CACNA1B: variants seen among roughly 807,000 people sequenced by gnomAD.
The protein encoded by CACNA1B is voltage-dependent N-type calcium channel subunit alpha-1B.
Under a neutral mutation model 247.2 loss-of-function variants are expected in CACNA1B, and 70 were observed. The observed-to-expected ratio is 0.28, with a 90% CI of 0.23 to 0.35. CACNA1B has a LOEUF of 0.35. Ranked by LOEUF, CACNA1B falls within the 10% of genes least tolerant of loss-of-function variation. The pLI is 1.00. For synonymous variants in CACNA1B, 1,231 were observed against 1,294.4 expected, an observed-to-expected ratio of 0.95 and a Z score of 1.05; for missense variants, 2,367 against 3,197.4, an observed-to-expected ratio of 0.74 and a Z score of 6.26.
In CACNA1B at chr9:138,010,124, T is replaced by C; in HGVS notation, c.2160+47T>C. 1.3e-6 allele frequency: 2 copies of C among 1,482,306 alleles called. No homozygotes were observed. The highest frequency in any genetic ancestry group is 1.9e-6 in the Non-Finnish European group (2 of 1,060,182). The allele number at this position is 1,482,306 out of a possible 1,614,324, so 91.8% of individuals were successfully genotyped here. A position where few individuals can be genotyped will look rare whatever the true frequency, so the allele number is the denominator to read the frequency against. ...CCGGTGTCAGCCCATGTCACTTGAA[T>C]GTGGCCGCAGCCAGGAAGAGTCTGG... On this transcript the variant is annotated intron_variant, in intron 17 of 46. Transcript: ENST00000371372. The surrounding 1 kb of genome is among the most constrained non-coding windows in gnomAD (Gnocchi z 5.3).
Position 138,012,540 on chromosome 9 carries a change from T to G in CACNA1B, c.2161-589T>G, listed in dbSNP as rs1266022221. 6.6e-6 allele frequency among the ~76,000 whole-genome samples: 1 copy of G among 151,540 alleles called. No homozygotes were observed. Among genetic ancestry groups the G allele is most frequent in the Non-Finnish European group, 1.5e-5 (1 of 67,916 alleles). ...GGGAGGATCACTTGAGCCTAGGAAT[T>G]CAAGAAAAATTAAATTAAAAAAATT... is the stretch of plus-strand genomic sequence containing the variant. On this transcript the variant is annotated intron_variant, in intron 17 of 46. Coordinates refer to ENST00000371372, the MANE Select transcript of CACNA1B (RefSeq NM_000718.4). This position sits in a 1 kb window ranked among gnomAD's most constrained non-coding sequence, Gnocchi z 4.2.
rs948253650 is a variant in CACNA1B at position 137,957,925 on chromosome 9, C to T, written c.1333+238C>T. On this transcript the variant is annotated intron_variant, in intron 10 of 46. Coordinates refer to ENST00000371372, the MANE Select transcript of CACNA1B (RefSeq NM_000718.4). The surrounding 1 kb of genome is among the most constrained non-coding windows in gnomAD (Gnocchi z 4.7). ...CCACCTCTCTCTTCAGCCCCTGTCT[C>T]TTTTTCACTTTCTGGACCTGCTGCC... 1.2e-4 allele frequency among the ~76,000 whole-genome samples: 18 copies of T among 152,218 alleles called. No individual in the cohort carries two copies. Among genetic ancestry groups the T allele is most frequent in the African/African-American group, 4.1e-4 (17 of 41,462 alleles).
In CACNA1B at chr9:138,122,703, A is replaced by C. The variant is rs902375676; in HGVS notation, c.*704A>C. 6.6e-6 allele frequency: 1 copy of C among 152,314 alleles called. No homozygotes were observed. Among genetic ancestry groups the C allele is most frequent in the Non-Finnish European group, 1.5e-5 (1 of 68,088 alleles). 9.4% of individuals were successfully genotyped at this position (152,314 alleles called of 1,614,324 possible). On this transcript the variant is annotated 3_prime_UTR_variant, in exon 47 of 47. Coordinates refer to ENST00000371372, the MANE Select transcript of CACNA1B (RefSeq NM_000718.4). ...TTTAAAAAATCAAACCTGTGAAAGA[A>C]AGATGTCAGCTTTTTGCCACGTGTC...
chr9:137,955,644 C>T lies in CACNA1B; in HGVS notation c.1071-54C>T. On this transcript the variant is annotated intron_variant, in intron 7 of 46. Transcript: ENST00000371372. This position sits in a 1 kb window ranked among gnomAD's most constrained non-coding sequence, Gnocchi z 6.9. ...GGTCCTTTTTGTCTCTGGGGCTGCA[C>T]ACCTGTGGGGCTTGCACTCACCTGA... 1 of 1,184,852 alleles carries T rather than the reference C, an allele frequency of 8.4e-7. No homozygotes were observed. Among genetic ancestry groups the T allele is most frequent in the Non-Finnish European group, 1.2e-6 (1 of 812,866 alleles). The allele number at this position is 1,184,852 out of a possible 1,614,324, so 73.4% of individuals were successfully genotyped here. A position where few individuals can be genotyped will look rare whatever the true frequency, so the allele number is the denominator to read the frequency against.
intron 15 of CACNA1B, 78 bp from the exon 16 acceptor site, chr9:138,006,689 C>T: frequency 6.4e-6 from 5 of 776,848 alleles, no homozygotes; most frequent in South Asian, 2.9e-5. Flanking sequence ...GGTGCACATG[C>T]ACTCATGTGG....
At position 137,899,628 on chromosome 9, in the gene CACNA1B, CTT is replaced by C. The variant is rs1298451290; in HGVS notation, c.531-13550_531-13549del. ...GGAGGCCGAGGGGATGCTGTGGCGTCTTTGGCCGAGAACTGCCGGCTCTCTCC... is the reference window on the plus strand; with the variant it reads ...GGAGGCCGAGGGGATGCTGTGGCGTCTGGCCGAGAACTGCCGGCTCTCTCC... On this transcript the variant is annotated intron_variant, in intron 3 of 46. Coordinates refer to ENST00000371372, the MANE Select transcript of CACNA1B (RefSeq NM_000718.4). This position sits in a 1 kb window ranked among gnomAD's most constrained non-coding sequence, Gnocchi z 5.0. Among the ~76,000 whole-genome samples, 2 of 152,176 alleles carry C rather than the reference CTT, an allele frequency of 1.3e-5. No homozygotes were observed. Among genetic ancestry groups the C allele is most frequent in the Admixed American group, 1.3e-4 (2 of 15,278 alleles).
At chr9:138,109,781 AACACAAG>A (rs1210692521) in intron 39 of CACNA1B, among the ~76,000 whole-genome samples, 1 of 152,226 alleles carries the variant, frequency 6.6e-6, no homozygotes, top group Non-Finnish European at 1.5e-5. Context: ...CTGTATAGAA[AACACAAG>A]GCCAGGCGTT....
At chr9:138,074,604 G>A (rs1308819510) in intron 34 of CACNA1B, among the ~76,000 whole-genome samples, 1 of 152,208 alleles carries the variant, frequency 6.6e-6, no homozygotes, top group Non-Finnish European at 1.5e-5. Flanking sequence ...CCACAAGATT[G>A]GGCTGCTTGC....
chr9:138,119,673 GC>G (rs1292224008), intron 44 of CACNA1B, among the ~76,000 whole-genome samples: 3 of 152,042 alleles, frequency 2.0e-5, no homozygotes, highest in Non-Finnish European at 4.4e-5. Flanking sequence ...CCTCCTGGGT[GC>G]TGCCTGGTGG....
chr9:138,121,608 C>A lies in CACNA1B; in HGVS notation c.6629C>A (p.Pro2210His). The stretch of plus-strand genomic sequence containing the variant: ...ACCTACAAGACGGCCAACTCCTCAC[C>A]CATCCACTTCGCCGGGGCTCAGACC... ...SITYKTANSS[P>H]IHFAGAQTSL... The change falls in exon 47 of 47, where the codon CCC becomes CAC. Residue 2210 changes from proline (P) to histidine (H), a missense_variant. Coordinates refer to ENST00000371372, the MANE Select transcript of CACNA1B (RefSeq NM_000718.4). This position sits in a 1 kb window ranked among gnomAD's most constrained non-coding sequence, Gnocchi z 6.8. The A allele has an allele frequency of 6.2e-7, 1 of 1,613,132 alleles. No homozygotes were observed. Among genetic ancestry groups the A allele is most frequent in the Non-Finnish European group, 8.5e-7 (1 of 1,179,498 alleles).
intron 6 of CACNA1B, among the ~76,000 whole-genome samples, chr9:137,939,841 AAT>A (rs1179261093): frequency 4.4e-5 from 6 of 137,764 alleles, no homozygotes; most frequent in Admixed American, 1.4e-4. Context: ...TAAATAAATA[AAT>A]AAATAAAAAA....
chr9:138,093,643 A>C (rs1250610890), intron 36 of CACNA1B, among the ~76,000 whole-genome samples: 1 of 151,916 alleles, frequency 6.6e-6, no homozygotes, highest in Non-Finnish European at 1.5e-5. Context: ...CAGGAGGCTA[A>C]GGCAGAGAAT....
intron 31 of CACNA1B, among the ~76,000 whole-genome samples, chr9:138,066,310 G>A (rs1182340215): frequency 2.6e-5 from 4 of 152,252 alleles, no homozygotes; most frequent in African/African-American, 4.8e-5. Flanking sequence ...GGCGGGGCAC[G>A]CTGGCTCACG....
chr9:138,000,372 A>C (rs956117803), intron 15 of CACNA1B, among the ~76,000 whole-genome samples: 1 of 152,186 alleles, frequency 6.6e-6, no homozygotes, highest in Non-Finnish European at 1.5e-5. Context: ...TGCTGGGATT[A>C]CAGACATGAG....
chr9:137,974,326 C>G lies in CACNA1B; in HGVS notation c.1544-1581C>G, dbSNP rs1229159335. On this transcript the variant is annotated intron_variant, in intron 11 of 46. Transcript: ENST00000371372. This position sits in a 1 kb window ranked among gnomAD's most constrained non-coding sequence, Gnocchi z 4.5. ...CATGCCTCTCACAGGGGGCTCTCGG[C>G]TTCTCCAGGGACACTGCTTGGCCTT... Among the ~76,000 whole-genome samples, 4 of 152,230 alleles carry G rather than the reference C, an allele frequency of 2.6e-5. No individual in the cohort carries two copies. The highest frequency in any genetic ancestry group is 5.9e-5 in the Non-Finnish European group (4 of 68,032).
At position 138,054,294 on chromosome 9, in the gene CACNA1B, C is replaced by T. The variant is rs1959412229; in HGVS notation, c.3968+288C>T. Among the ~76,000 whole-genome samples the T allele has an allele frequency of 6.6e-6, 1 of 152,226 alleles. No homozygotes were observed. The highest frequency in any genetic ancestry group is 1.5e-5 in the Non-Finnish European group (1 of 68,034). On this transcript the variant is annotated intron_variant, in intron 26 of 46. Transcript: ENST00000371372. This position sits in a 1 kb window ranked among gnomAD's most constrained non-coding sequence, Gnocchi z 4.6. ...CTGAGGGACACAGACATCCAGGGAG[C>T]TCAAGGTGCCCACTGGGCAAGGCTT...
chr9:137,911,511 G>C (rs1477948214), intron 3 of CACNA1B, among the ~76,000 whole-genome samples: 7 of 152,214 alleles, frequency 4.6e-5, no homozygotes, highest in African/African-American at 1.7e-4. Context: ...TGCCTCCTGG[G>C]CTCAAGCAGT....
In CACNA1B at chr9:138,118,038, G is replaced by A. The variant is rs772128935; in HGVS notation, c.5870G>A (p.Arg1957His). The A allele has an allele frequency of 2.3e-5, 37 of 1,598,328 alleles. No homozygotes were observed. The highest frequency in any genetic ancestry group is 1.6e-4 in the Middle Eastern group (1 of 6,068). ...APHEARPPLE[R>H]GHSTEIPVGR... is the part of the protein sequence containing the mutation. Reference sequence around the variant, plus strand: ...CATGAGGCCAGGCCACCCCTGGAGCGTGGCCACTCCACAGAGATCCCTGTG... The same window carrying A: ...CATGAGGCCAGGCCACCCCTGGAGCATGGCCACTCCACAGAGATCCCTGTG... The change falls in exon 43 of 47, where the codon CGT becomes CAT. Residue 1957 changes from arginine (R) to histidine (H), a missense_variant. Physicochemically the swap from Arg to His is conservative, Grantham distance 29. This residue lies in a region of CACNA1B where 773 missense variants were observed against 779.4 expected (regional missense o/e 0.99). Transcript: ENST00000371372.
At chr9:138,039,017 T>C (rs1959082125) in intron 20 of CACNA1B, among the ~76,000 whole-genome samples, 1 of 151,808 alleles carries the variant, frequency 6.6e-6, no homozygotes, top group Non-Finnish European at 1.5e-5. Context: ...AAACCCCGTC[T>C]CTGCTGGGAA....
Sources: gnomAD v4.1 joint callset for allele counts (sites outside exome capture counted in the v4.1 genomes callset) on GRCh38, gnomAD v4.1.1 for gene constraint, gnomAD v4.1.1 regional missense constraint, Gnocchi (gnomAD v3.1) non-coding constraint, MANE v1.5 for transcripts, NCBI Gene and HGNC (gene_info 2026-07-23, HGNC 2026-07-21) for gene names.